Variants in PDE4B observed in about 807,000 individuals in gnomAD.
The protein encoded by PDE4B is 3',5'-cyclic-AMP phosphodiesterase 4B.
A neutral mutation model predicts 82.2 loss-of-function variants in PDE4B; 20 were observed. The observed-to-expected ratio is 0.24, with a 90% CI of 0.17 to 0.35. The LOEUF (loss-of-function observed/expected upper bound fraction) is 0.35. PDE4B is among the 10% of genes least tolerant of loss of function. The probability of loss-of-function intolerance (pLI) is 1.00; values close to 1 mark genes in which losing one functional copy is unlikely to be tolerated. For synonymous variants in PDE4B, 320 were observed against 318.9 expected (o/e 1.00, Z -0.04); for missense variants, 655 against 907.2 (o/e 0.72, Z 3.57).
rs556318552 is a variant in PDE4B at position 66,182,593 on chromosome 1, A to T, written c.282-64867A>T. Among the ~76,000 whole-genome samples, 5 of 152,290 alleles carry T rather than the reference A, an allele frequency of 3.3e-5. No individual in the cohort carries two copies. The South Asian group carries it at 8.3e-4, about 25-fold the overall frequency. On this transcript the variant is annotated intron_variant, in intron 3 of 16. Coordinates refer to ENST00000341517, the MANE Select transcript of PDE4B (RefSeq NM_002600.4). ...AGTACCTTTGATTTGGTGCTGAGCC[A>T]GGAGGGCTTGATTGATAATATCTGT...
intron 3 of PDE4B, among the ~76,000 whole-genome samples, chr1:66,030,584 C>T (rs983937633): frequency 1.3e-5 from 2 of 152,052 alleles, no homozygotes; most frequent in Admixed American, 1.3e-4. Flanking sequence ...CTTATTCAAT[C>T]TACTATTTGA....
chr1:65,942,554 T>A (rs1253939814), intron 3 of PDE4B, among the ~76,000 whole-genome samples: 1 of 151,998 alleles, frequency 6.6e-6, no homozygotes, highest in East Asian at 1.9e-4. Context: ...AGTAGTGAGA[T>A]TTCTGGGTCA....
At chr1:66,154,008 A>C (rs938545417) in intron 3 of PDE4B, among the ~76,000 whole-genome samples, 2 of 152,184 alleles carry the variant, frequency 1.3e-5, no homozygotes, top group African/African-American at 4.8e-5. Context: ...GAATTACTAA[A>C]TGCCTACATT....
chr1:66,360,200 C>A (rs1662641444), intron 9 of PDE4B, among the ~76,000 whole-genome samples: 1 of 152,132 alleles, frequency 6.6e-6, no homozygotes, highest in Non-Finnish European at 1.5e-5. Flanking sequence ...ACTAAAATTC[C>A]TTCCTAAGCA....
intron 3 of PDE4B, among the ~76,000 whole-genome samples, chr1:66,118,429 G>C (rs1353003842): frequency 6.6e-6 from 1 of 152,162 alleles, no homozygotes; most frequent in East Asian, 1.9e-4. Context: ...TAGGGACATG[G>C]ATAAAGCTGG....
chr1:66,160,439 C>T (rs1646588236), intron 3 of PDE4B, among the ~76,000 whole-genome samples: 1 of 152,100 alleles, frequency 6.6e-6, no homozygotes, highest in Admixed American at 6.6e-5. Flanking sequence ...TGGATGCAAC[C>T]CCCAACGCAT....
intron 3 of PDE4B, among the ~76,000 whole-genome samples, chr1:66,173,201 C>T (rs1223676123): frequency 3.3e-5 from 5 of 152,148 alleles, no homozygotes; most frequent in Admixed American, 2.0e-4. Flanking sequence ...ATGACTCATC[C>T]TGGAGAATAA....
intron 1 of PDE4B, among the ~76,000 whole-genome samples, chr1:65,882,200 G>C (rs1646715865): frequency 6.6e-6 from 1 of 152,180 alleles, no homozygotes; most frequent in Admixed American, 6.6e-5. Context: ...TCACTGTTTA[G>C]TGATTGGCTG....
chr1:65,820,800 C>A (rs574168309), intron 1 of PDE4B, among the ~76,000 whole-genome samples: 66 of 152,206 alleles, frequency 4.3e-4, no homozygotes, highest in African/African-American at 1.5e-3. Context: ...CAAAGATAGA[C>A]AATTAGAAAT....
chr1:66,031,896 C>T (rs1401925889), intron 3 of PDE4B, among the ~76,000 whole-genome samples: 2 of 152,192 alleles, frequency 1.3e-5, no homozygotes, highest in Admixed American at 1.3e-4. Flanking sequence ...AAGGTTTCTC[C>T]ATGACTCAAT....
intron 3 of PDE4B, among the ~76,000 whole-genome samples, chr1:65,975,122 G>C (rs1308607646): frequency 6.6e-6 from 1 of 152,198 alleles, no homozygotes; most frequent in Non-Finnish European, 1.5e-5. Flanking sequence ...TGCTGATAGT[G>C]ATATGGACAA....
At chr1:66,257,600 A>C in intron 4 of PDE4B, 47 bp from the exon 5 acceptor site, 4 of 1,511,354 alleles carry the variant, frequency 2.6e-6, no homozygotes, top group Non-Finnish European at 3.7e-6. Flanking sequence ...TGTCACAGTT[A>C]TAATTCAAGT....
At chr1:66,176,950 C>G (rs1646942403) in intron 3 of PDE4B, among the ~76,000 whole-genome samples, 1 of 152,178 alleles carries the variant, frequency 6.6e-6, no homozygotes, top group Non-Finnish European at 1.5e-5. Flanking sequence ...TTGCCAGGTT[C>G]CTGTCTAGGT....
At chr1:65,992,922 T>C in intron 3 of PDE4B, 2 of 1,613,716 alleles carry the variant, frequency 1.2e-6, no homozygotes, top group South Asian at 2.2e-5. Context: ...AGCAAAAGAT[T>C]CTTCAAAGGA....
At chr1:66,226,435 T>A (rs1392369956) in intron 3 of PDE4B, among the ~76,000 whole-genome samples, 1 of 152,144 alleles carries the variant, frequency 6.6e-6, no homozygotes. Flanking sequence ...GATGATGTGG[T>A]GTGAAAAGTG....
In PDE4B at chr1:65,984,296, A is replaced by G. The variant is rs535603158; in HGVS notation, c.281+65461A>G. 4.6e-5 allele frequency among the ~76,000 whole-genome samples: 7 copies of G among 152,340 alleles called. No homozygotes were observed. In the South Asian group the frequency reaches 1.0e-3, roughly 23 times the overall value. On this transcript the variant is annotated intron_variant, in intron 3 of 16. Transcript: ENST00000341517. ...AAAAGACAAATCAGTGATGGAGAAC[A>G]GATCACAGATTGCCAGGGATTAGTG...
At chr1:65,799,735 T>A (rs1381379609) in intron 1 of PDE4B, among the ~76,000 whole-genome samples, 1 of 152,162 alleles carries the variant, frequency 6.6e-6, no homozygotes, top group African/African-American at 2.4e-5. Flanking sequence ...TCCCTGCAGA[T>A]TCTAGAGTGG....
intron 7 of PDE4B, among the ~76,000 whole-genome samples, chr1:66,272,595 A>C (rs993276731): frequency 4.0e-5 from 6 of 149,586 alleles, no homozygotes; most frequent in Non-Finnish European, 7.4e-5. Flanking sequence ...CTCCCTCTTC[A>C]CCTACCACAG....
chr1:66,286,659 C>G (rs1656699581), intron 7 of PDE4B, among the ~76,000 whole-genome samples: 1 of 152,100 alleles, frequency 6.6e-6, no homozygotes, highest in Admixed American at 6.6e-5. Flanking sequence ...CACAGTTTGC[C>G]TATTTTGGCA....
Sources: allele counts gnomAD v4.1 joint callset (sites outside exome capture counted in the v4.1 genomes callset), GRCh38; gene constraint gnomAD v4.1.1; transcripts MANE v1.5; gene names NCBI Gene and HGNC (gene_info 2026-07-23, HGNC 2026-07-21).